STK36: variants seen among roughly 807,000 people sequenced by gnomAD.
STK36 encodes serine/threonine-protein kinase 36.
In STK36, 116 loss-of-function variants were observed where a neutral mutation model predicts 142.2. The ratio of observed to expected loss-of-function variants is 0.82; its 90% CI spans 0.70 to 0.95. The LOEUF is 0.95. Among genes scored for constraint, STK36 ranks in the 40% least tolerant of loss-of-function variants. The pLI is 0.00. For synonymous variants in STK36, 619 were observed against 641.7 expected, an observed-to-expected ratio of 0.96 and a Z score of 0.53; for missense variants, 1,422 against 1,617.2, an observed-to-expected ratio of 0.88 and a Z score of 2.07.
At chr2:218,692,736 C>G in intron 16 of STK36, 26 bp downstream of exon 16, 1 of 1,600,142 alleles carries the variant, frequency 6.2e-7, no homozygotes, top group Non-Finnish European at 8.5e-7. Context: ...GGTTGTTCCT[C>G]TCATCCTACT....
chr2:218,675,715 G>A (rs1018737393), intron 5 of STK36, among the ~76,000 whole-genome samples: 1 of 151,740 alleles, frequency 6.6e-6, no homozygotes. Context: ...GTAGAGATGG[G>A]GTTTCTCCAT....
chr2:218,701,662 G>A (rs568765823), intron 26 of STK36, among the ~76,000 whole-genome samples: 3 of 152,294 alleles, frequency 2.0e-5, no homozygotes, highest in East Asian at 1.9e-4. Context: ...GAGAATGGAA[G>A]TAGACTTCTG....
chr2:218,697,735 A>C, intron 24 of STK36, 119 bp from the exon 25 acceptor site: 1 of 1,588,866 alleles, frequency 6.3e-7, no homozygotes, highest in Middle Eastern at 1.7e-4. Flanking sequence ...TTAGGCTGGA[A>C]ACCTAAGTAG....
chr2:218,672,468 G>A (rs1461632924), intron 1 of STK36: 1 of 309,430 alleles, frequency 3.2e-6, no homozygotes, highest in African/African-American at 2.2e-5. Context: ...ACTCAAAGGA[G>A]CAGGGTTGGT....
In STK36 at chr2:218,701,870, T is replaced by C; in HGVS notation, c.3809T>C (p.Leu1270Pro). 6.2e-7 allele frequency: 1 copy of C among 1,614,120 alleles called. No individual in the cohort carries two copies. The highest frequency in any genetic ancestry group is 1.1e-5 in the South Asian group (1 of 91,080). ...CATCTGTTCTCTATCCTACAGGTAC[T>C]GGTGTCCCTGGGTGCCAGTGAGAAA... Reference protein sequence around the residue: ...LQQEPGIHQVLVSLGASEKLS... With the variant: ...LQQEPGIHQVPVSLGASEKLS... The change falls in exon 27 of 27, where the codon CTG becomes CCG. Residue 1270 changes from leucine to proline, a missense_variant. This residue lies in a region of STK36 where 962 missense variants were observed against 1,167.5 expected (regional missense o/e 0.82). Transcript: ENST00000295709.
intron 6 of STK36, 45 bp downstream of exon 6, chr2:218,676,323 T>C (rs1371647638): frequency 6.2e-7 from 1 of 1,601,424 alleles, no homozygotes; most frequent in Admixed American, 1.7e-5. Flanking sequence ...TAGAAATCTG[T>C]CTCCCTCTAT....
In STK36 at chr2:218,675,495, C is replaced by G. The variant is rs374873085; in HGVS notation, c.434+22C>G. On this transcript the variant is annotated intron_variant, in intron 5 of 26. Coordinates refer to ENST00000295709, the MANE Select transcript of STK36 (RefSeq NM_015690.5). The stretch of plus-strand genomic sequence containing the variant: ...TTGGGTAAAGATTCTGAGCATCCAT[C>G]TAAGCTTCCAGTTCCACACGGAATC... 7.0e-4 allele frequency: 1,033 copies of G among 1,477,386 alleles called. 2 individuals are homozygous for G. The highest frequency in any genetic ancestry group is 9.2e-4 in the Non-Finnish European group (984 of 1,072,686). 91.5% of individuals were successfully genotyped at this position (1,477,386 alleles called of 1,614,324 possible).
Position 218,676,125 on chromosome 2 carries a change from CG to C in STK36, c.532del (p.Asp178ThrfsTer18). The C allele has an allele frequency of 5.0e-6, 8 of 1,614,118 alleles. No homozygotes were observed. Among genetic ancestry groups the C allele is most frequent in the East Asian group, 2.2e-5 (1 of 44,880 alleles). On this transcript the variant is annotated frameshift_variant, in exon 6 of 27. Coordinates refer to ENST00000295709, the MANE Select transcript of STK36 (RefSeq NM_015690.5). LOFTEE classifies it high-confidence loss of function. The stretch of plus-strand genomic sequence containing the variant: ...CAGAGCTGGTGGAGGAGCGACCATA[CG>C]ACCACACAGCGGACCTCTGGTCTGT... Reference protein sequence around the residue: ...SPELVEERPYDHTADLWSVGC... With the variant: ...SPELVEERPYXHTADLWSVGC...
chr2:218,681,129 G>A (rs1313281107), intron 10 of STK36, among the ~76,000 whole-genome samples: 3 of 133,718 alleles, frequency 2.2e-5, no homozygotes, highest in South Asian at 2.4e-4. Flanking sequence ...TACCACAATC[G>A]TTTTTTTTTT....
rs753930781 is a variant in STK36 at position 218,679,916 on chromosome 2, C to T, written c.972C>T (p.Ala324=). 3 of 1,613,944 alleles carry T rather than the reference C, an allele frequency of 1.9e-6. No individual in the cohort carries two copies. In the South Asian group the frequency reaches 3.3e-5, roughly 18 times the overall value. Residue 324 remains alanine (A), a synonymous_variant, in exon 9 of 27, where the codon GCC becomes GCT. Coordinates refer to ENST00000295709, the MANE Select transcript of STK36 (RefSeq NM_015690.5). ...MQKKHQNTGP[A]LEQEDKTSKV... is the part of the protein sequence containing the mutation. ...AGAAACATCAGAACACAGGACCTGC[C>T]CTTGAGCAAGAGGACAAGACCAGCA...
At chr2:218,689,484 G>A (rs767693051) in intron 12 of STK36, among the ~76,000 whole-genome samples, 12 of 152,212 alleles carry the variant, frequency 7.9e-5, no homozygotes, top group Non-Finnish European at 1.5e-4. Context: ...GGACTGAGAG[G>A]ATGGGGAATG....
In STK36 at chr2:218,675,457, A is replaced by G; in HGVS notation, c.418A>G (p.Lys140Glu). 6.2e-7 allele frequency: 1 copy of G among 1,612,720 alleles called. No homozygotes were observed. The change falls in exon 5 of 27, where the codon AAG (lysine) becomes GAG (glutamate). Residue 140 changes from lysine (K) to glutamate (E), a missense_variant. Lys to Glu is a moderately conservative substitution (Grantham distance 56, BLOSUM62 1). Transcript: ENST00000295709. ...NILLAKGGGIKLCDFGFARAM... is the reference protein window; with the variant it reads ...NILLAKGGGIELCDFGFARAM... ...CCTCCTCGCCAAGGGTGGTGGCATCAAGCTCTGTGACTTTGGGTAAAGATT... is the reference window on the plus strand; with the variant it reads ...CCTCCTCGCCAAGGGTGGTGGCATCGAGCTCTGTGACTTTGGGTAAAGATT...
intron 26 of STK36, among the ~76,000 whole-genome samples, chr2:218,701,071 G>A (rs1207920324): frequency 6.6e-6 from 1 of 150,696 alleles, no homozygotes; most frequent in East Asian, 2.0e-4. Context: ...TATAAATTAT[G>A]ACATCTCAAA....
intron 10 of STK36, among the ~76,000 whole-genome samples, chr2:218,681,473 A>T (rs577402968): frequency 1.3e-3 from 198 of 152,160 alleles, no homozygotes; most frequent in Non-Finnish European, 1.6e-3. Context: ...CCTTTTTTTT[A>T]AAATAATTTC....
In STK36 at chr2:218,700,576, T is replaced by C. The variant is rs1458983075; in HGVS notation, c.3804+1228T>C. Among the ~76,000 whole-genome samples the C allele has an allele frequency of 2.6e-5, 4 of 150,978 alleles. No individual in the cohort carries two copies. The East Asian group carries it at 8.0e-4, about 30-fold the overall frequency. ...ACCACCTTACCTGGCTAATTTTGCA[T>C]TTTTAGTGGAGACAAGGTTTCACCA... On this transcript the variant is annotated intron_variant, in intron 26 of 26. Transcript: ENST00000295709.
chr2:218,672,280 A>C, intron 1 of STK36, 65 bp downstream of exon 1: 1 of 484,264 alleles, frequency 2.1e-6, no homozygotes, highest in Non-Finnish European at 3.7e-6. Flanking sequence ...AAGTCAGGCA[A>C]CGTATGCAGG....
Position 218,698,930 on chromosome 2 carries a change from C to T in STK36, c.3386C>T (p.Thr1129Ile), listed in dbSNP as rs1941340900. Residue 1129 changes from threonine (T) to isoleucine (I), a missense_variant, in exon 26 of 27, where the codon ACT becomes ATT. Around this residue, in one of 2 missense-constraint regions of STK36, gnomAD observed 962 missense variants for 1,167.5 expected, o/e 0.82. Coordinates refer to ENST00000295709, the MANE Select transcript of STK36 (RefSeq NM_015690.5). ...CCAGAGAATTCTGTGCGGGCACACA[C>T]TTATAGGCTCCTGGGACACTTGCTC... ...GHPENSVRAH[T>I]YRLLGHLLQH... 3 of 1,614,056 alleles carry T rather than the reference C, an allele frequency of 1.9e-6. No individual in the cohort carries two copies. Among genetic ancestry groups the T allele is most frequent in the African/African-American group, 2.7e-5 (2 of 74,940 alleles).
rs1173008320 is a variant in STK36 at position 218,693,822 on chromosome 2, G to A, written c.2247+1G>A. 14 of 1,614,190 alleles carry A rather than the reference G, an allele frequency of 8.7e-6. No individual in the cohort carries two copies. Among genetic ancestry groups the A allele is most frequent in the Non-Finnish European group, 1.2e-5 (14 of 1,180,040 alleles). ...CCTGTTTATGTTGATTCAGGGCAAGGTAAGCCAGCTTCCCCTGGCAGCCCC... is the reference window on the plus strand; with the variant it reads ...CCTGTTTATGTTGATTCAGGGCAAGATAAGCCAGCTTCCCCTGGCAGCCCC... On this transcript the variant is annotated splice_donor_variant, in intron 18 of 26. Coordinates refer to ENST00000295709, the MANE Select transcript of STK36 (RefSeq NM_015690.5). LOFTEE classifies it high-confidence loss of function.
chr2:218,681,452 T>G (rs943316517), intron 10 of STK36, among the ~76,000 whole-genome samples: 1 of 152,226 alleles, frequency 6.6e-6, no homozygotes, highest in Non-Finnish European at 1.5e-5. Flanking sequence ...ATATGTTTTT[T>G]TTGAGTTTTG....
Sources: gnomAD v4.1 joint callset for allele counts (sites outside exome capture counted in the v4.1 genomes callset) on GRCh38, gnomAD v4.1.1 for gene constraint, gnomAD v4.1.1 regional missense constraint, MANE v1.5 for transcripts, NCBI Gene and HGNC (gene_info 2026-07-23, HGNC 2026-07-21) for gene names.